PLK5: variants seen among roughly 807,000 people sequenced by gnomAD.
PLK5 encodes the protein polo like kinase 5 (inactive), also known as inactive serine/threonine-protein kinase PLK5.
A neutral mutation model predicts 33.7 loss-of-function variants in PLK5; 28 were observed. The observed-to-expected ratio is 0.83, with a 90% CI of 0.62 to 1.14. The LOEUF is 1.14. Ranked by LOEUF, PLK5 falls within the 50% of genes most tolerant of loss-of-function variation. The pLI is 0.00. For synonymous variants in PLK5, 225 were observed against 202.2 expected (o/e 1.11, Z -0.96); for missense variants, 492 against 461.5 (o/e 1.07, Z -0.61).
rs1333664865 is a variant in PLK5 at position 1,529,505 on chromosome 19, G to T, written c.490+15G>T. ...TGACCTGGCCGGTGAGCAGATCCCC[G>T]TCCCAGCCCGGGGCTGCAGGTGGGG... On this transcript the variant is annotated intron_variant, in intron 10 of 13. Coordinates refer to ENST00000454744, the MANE Select transcript of PLK5 (RefSeq NM_001243079.2). 6.5e-7 allele frequency: 1 copy of T among 1,532,762 alleles called. No individual in the cohort carries two copies. The highest frequency in any genetic ancestry group is 1.2e-5 in the South Asian group (1 of 83,988). The allele number at this position is 1,532,762 out of a possible 1,614,324, so 94.9% of individuals were successfully genotyped here. A position where few individuals can be genotyped will look rare whatever the true frequency, so the allele number is the denominator to read the frequency against.
Position 1,527,054 on chromosome 19 carries a change from G to A in PLK5, c.2+56G>A, listed in dbSNP as rs886387641. On this transcript the variant is annotated intron_variant, in intron 6 of 13. Transcript: ENST00000454744. ...GCCTCCGGGGGGGGCAGGTGTGGCG[G>A]GGGGGGAGCCTGCACGGAACAGGTG... 100 of 1,107,656 alleles carry A rather than the reference G, an allele frequency of 9.0e-5. No individual in the cohort carries two copies. The African/African-American group carries it at 2.2e-3, about 24-fold the overall frequency. The allele number at this position is 1,107,656 out of a possible 1,614,324, so 68.6% of individuals were successfully genotyped here. A position where few individuals can be genotyped will look rare whatever the true frequency, so the allele number is the denominator to read the frequency against.
intron 6 of PLK5, 75 bp downstream of exon 6, chr19:1,527,073 A>G: frequency 2.2e-6 from 3 of 1,339,444 alleles, no homozygotes; most frequent in Non-Finnish European, 3.0e-6. Context: ...CCTGCACGGA[A>G]CAGGTGGGGA....
At chr19:1,528,860 C>T in intron 8 of PLK5, 38 bp from the exon 9 acceptor site, 5 of 1,449,194 alleles carry the variant, frequency 3.5e-6, no homozygotes, top group Non-Finnish European at 4.5e-6. Context: ...GCTTGGGGCC[C>T]AGGCTGTGCC....
chr19:1,531,986 G>A (rs1400777249), intron 12 of PLK5, 103 bp downstream of exon 12: 5 of 1,282,506 alleles, frequency 3.9e-6, no homozygotes, highest in South Asian at 1.8e-5. Flanking sequence ...ACACCTACAG[G>A]TGCTCCCTGC....
At chr19:1,527,863 G>C in intron 6 of PLK5, 73 bp from the exon 7 acceptor site, 1 of 1,431,936 alleles carries the variant, frequency 7.0e-7, no homozygotes, top group South Asian at 1.3e-5. Flanking sequence ...GTGTAGGCAG[G>C]TCTGGCCAAG....
intron 10 of PLK5, 76 bp downstream of exon 10, chr19:1,529,566 G>C: frequency 2.0e-6 from 3 of 1,468,176 alleles, no homozygotes; most frequent in South Asian, 2.4e-5. Context: ...GACCAAGGCC[G>C]TGGCTTACCA....
intron 12 of PLK5, among the ~76,000 whole-genome samples, chr19:1,532,873 A>T (rs1334511603): frequency 2.7e-5 from 4 of 150,752 alleles, no homozygotes; most frequent in Non-Finnish European, 4.4e-5. Context: ...TCACTGTGTT[A>T]GCCAGGATGG....
rs760770060 is a variant in PLK5, at chr19:1,535,181, G to C, written c.942G>C (p.Arg314=). ...PGTSYSLDVP[R]SHGCAPTTGQ... ...CCTCCTACTCCCTGGACGTCCCGCG[G>C]AGCCACGGCTGCGCCCCCACCACCG... Residue 314 remains arginine (R), a synonymous_variant, in exon 14 of 14, where the codon CGG becomes CGC. Transcript: ENST00000454744. 5.9e-6 allele frequency: 9 copies of C among 1,524,562 alleles called. No homozygotes were observed. The African/African-American group carries it at 1.3e-4, about 23-fold the overall frequency. 94.4% of individuals were successfully genotyped at this position (1,524,562 alleles called of 1,614,324 possible). A position where few individuals can be genotyped will look rare whatever the true frequency, so the allele number is the denominator to read the frequency against.
rs1446485519 is a variant in PLK5 at position 1,535,092 on chromosome 19, C to T, written c.853C>T (p.Leu285=). ...QVSFSGVPAQ[L]VLSGEGEGLQ... ...GAGCTTCAGTGGAGTCCCGGCCCAA[C>T]TGGTGCTGAGTGGCGAGGGTGAGGG... Residue 285 remains leucine (L), a synonymous_variant, in exon 14 of 14, where the codon CTG becomes TTG. Coordinates refer to ENST00000454744, the MANE Select transcript of PLK5 (RefSeq NM_001243079.2). The T allele has an allele frequency of 1.3e-6, 2 of 1,533,418 alleles. No individual in the cohort carries two copies. Among genetic ancestry groups the T allele is most frequent in the Non-Finnish European group, 1.7e-6 (2 of 1,145,754 alleles). 95.0% of individuals were successfully genotyped at this position (1,533,418 alleles called of 1,614,324 possible). A position where few individuals can be genotyped will look rare whatever the true frequency, so the allele number is the denominator to read the frequency against.
At position 1,529,814 on chromosome 19, in the gene PLK5, A is replaced by C. The variant is rs1001242589; in HGVS notation, c.558A>C (p.Val186=). The change falls in exon 11 of 14, where the codon GTA becomes GTC. Residue 186 remains valine (V), a synonymous_variant. Transcript: ENST00000454744. The part of the protein sequence containing the change: ...ALRHLQLCLD[V]GPPATQDPLG... ...GACACCTGCAGCTGTGCCTGGATGT[A>C]GGCCCCCCGGGTAGGAGCCGGCCCA... 1.2e-5 allele frequency: 19 copies of C among 1,535,620 alleles called. No individual in the cohort carries two copies. The Admixed American group carries it at 3.7e-4, about 30-fold the overall frequency.
intron 13 of PLK5, among the ~76,000 whole-genome samples, chr19:1,534,818 A>T (rs1599308923): frequency 2.4e-5 from 2 of 83,918 alleles, no homozygotes; most frequent in South Asian, 6.5e-4. Flanking sequence ...CTCTGTTTAA[A>T]AAAAAAAAAA....
In PLK5 at chr19:1,534,485, C is replaced by A. The variant is rs1401467186; in HGVS notation, c.825+444C>A. Among the ~76,000 whole-genome samples the A allele has an allele frequency of 5.4e-5, 6 of 111,536 alleles. No individual in the cohort carries two copies. The East Asian group carries it at 1.3e-3, about 25-fold the overall frequency. The allele number at this position is 111,536 out of a possible 152,430, so 73.2% of individuals were successfully genotyped here. Reference sequence around the variant, plus strand: ...TCACGCCACAGCACTCCAGCCTGGGCGACAGAGCAAGACTTCGTCTCAAAA... The same window carrying A: ...TCACGCCACAGCACTCCAGCCTGGGAGACAGAGCAAGACTTCGTCTCAAAA... On this transcript the variant is annotated intron_variant, in intron 13 of 13. Transcript: ENST00000454744.
intron 3 of PLK5, among the ~76,000 whole-genome samples, chr19:1,526,138 G>C (rs1913732473): frequency 6.6e-6 from 1 of 152,144 alleles, no homozygotes; most frequent in Non-Finnish European, 1.5e-5. Context: ...AAGTAGACCT[G>C]AGCCCACCTG....
intron 13 of PLK5, 36 bp downstream of exon 13, chr19:1,534,077 C>G: frequency 6.7e-7 from 1 of 1,493,812 alleles, no homozygotes; most frequent in Non-Finnish European, 9.0e-7. Flanking sequence ...CACTGGGGCT[C>G]GGCAGGGTGG....
In PLK5 at chr19:1,529,054, C is replaced by T. The variant is rs552262672; in HGVS notation, c.405+80C>T. ...CCTGCTAAAACCCCCTCCCCCATGCCGGCTTCTCTGAACCCCTTCTGGGGT... is the reference window on the plus strand; with the variant it reads ...CCTGCTAAAACCCCCTCCCCCATGCTGGCTTCTCTGAACCCCTTCTGGGGT... On this transcript the variant is annotated intron_variant, in intron 9 of 13. Transcript: ENST00000454744. 1.5e-5 allele frequency: 19 copies of T among 1,287,476 alleles called. No individual in the cohort carries two copies. In the Admixed American group the frequency reaches 2.5e-4, roughly 17 times the overall value. 79.8% of individuals were successfully genotyped at this position (1,287,476 alleles called of 1,614,324 possible). A position where few individuals can be genotyped will look rare whatever the true frequency, so the allele number is the denominator to read the frequency against.
chr19:1,530,534 G>A (rs1261665837), intron 11 of PLK5, among the ~76,000 whole-genome samples: 5 of 149,550 alleles, frequency 3.3e-5, no homozygotes, highest in South Asian at 2.1e-4. Flanking sequence ...CCTGACCTCC[G>A]GTGATCTGGC....
Position 1,529,752 on chromosome 19 carries a change from G to C in PLK5, c.496G>C (p.Glu166Gln). The C allele has an allele frequency of 6.5e-7, 1 of 1,536,056 alleles. No homozygotes were observed. Reference protein sequence around the residue: ...GTLQSDLAGPEGSRRPEVEAA... With the variant: ...GTLQSDLAGPQGSRRPEVEAA... ...ACAAAGACCTGTCTTCCCAGGGCCC[G>C]AGGGGAGCCGGCGGCCAGAGGTGGA... Residue 166 changes from glutamate to glutamine, a missense_variant, in exon 11 of 14, where the codon GAG (glutamate) becomes CAG (glutamine). Transcript: ENST00000454744.
rs1913803862 is a variant in PLK5, at chr19:1,528,214, G to A, written c.201+80G>A. Reference sequence around the variant, plus strand: ...GAGCCAGAGCCTGCCCTGCTCAGCCGAGGGAGGCCCCGCCCTGTCCCAGGT... The same window carrying A: ...GAGCCAGAGCCTGCCCTGCTCAGCCAAGGGAGGCCCCGCCCTGTCCCAGGT... On this transcript the variant is annotated intron_variant, in intron 7 of 13. Coordinates refer to ENST00000454744, the MANE Select transcript of PLK5 (RefSeq NM_001243079.2). 5.2e-6 allele frequency: 8 copies of A among 1,533,012 alleles called. No homozygotes were observed. In the South Asian group the frequency reaches 7.2e-5, roughly 14 times the overall value. 95.0% of individuals were successfully genotyped at this position (1,533,012 alleles called of 1,614,324 possible).
chr19:1,526,976 A>C lies in PLK5; in HGVS notation c.-21A>C. On this transcript the variant is annotated 5_prime_UTR_variant, in exon 6 of 14. Coordinates refer to ENST00000454744, the MANE Select transcript of PLK5 (RefSeq NM_001243079.2). ...AAACGGTCACTCCTGCCAGTAGGAC[A>C]TCTGGGCTCTGGGCTGCATCATGTG... 1 of 1,519,852 alleles carries C rather than the reference A, an allele frequency of 6.6e-7. No individual in the cohort carries two copies. The allele number at this position is 1,519,852 out of a possible 1,614,324, so 94.1% of individuals were successfully genotyped here.
Sources: gnomAD v4.1 joint callset for allele counts (sites outside exome capture counted in the v4.1 genomes callset) on GRCh38, gnomAD v4.1.1 for gene constraint, MANE v1.5 for transcripts, NCBI Gene and HGNC (gene_info 2026-07-23, HGNC 2026-07-21) for gene names.